The following LAMA2 variants were observed in gnomAD, a reference collection of about 807,000 sequenced individuals.
LAMA2 encodes laminin subunit alpha-2.
Under a neutral mutation model 364.8 loss-of-function variants are expected in LAMA2, and 269 were observed. That is an observed-to-expected ratio of 0.74 (90% CI 0.67 to 0.82). The LOEUF is 0.82. Ranked by LOEUF, LAMA2 falls within the 40% of genes least tolerant of loss-of-function variation. LAMA2 has a pLI of 0.00. For synonymous variants in LAMA2, 1,379 were observed against 1,370.6 expected (o/e 1.01, Z -0.14); for missense variants, 3,807 against 3,873.2 (o/e 0.98, Z 0.45).
chr6:129,119,090 A>G (rs771047521), intron 4 of LAMA2, among the ~76,000 whole-genome samples: 4 of 152,232 alleles, frequency 2.6e-5, no homozygotes, highest in Admixed American at 2.0e-4. Context: ...GCTAGCAGCA[A>G]TTAACATTTG....
intron 1 of LAMA2, among the ~76,000 whole-genome samples, chr6:128,988,250 A>C (rs752663984): frequency 6.6e-6 from 1 of 152,206 alleles, no homozygotes; most frequent in Non-Finnish European, 1.5e-5. Flanking sequence ...AGAACATACA[A>C]GGGGACATCT....
At position 129,205,493 on chromosome 6, in the gene LAMA2, T is replaced by TACACAC. The variant is rs767013359; in HGVS notation, c.1782+12675_1782+12680dup. ...TATTCTGTAAGTATATATATATATA[T>TACACAC]ACACACACACACACACACACACACA... On this transcript the variant is annotated intron_variant, in intron 12 of 64. Transcript: ENST00000421865. Among the ~76,000 whole-genome samples the TACACAC allele has an allele frequency of 9.5e-4, 99 of 104,262 alleles. 3 individuals are homozygous for TACACAC. The highest frequency in any genetic ancestry group is 5.6e-3 in the East Asian group (23 of 4,122). The allele number at this position is 104,262 out of a possible 152,430, so 68.4% of individuals were successfully genotyped here.
intron 1 of LAMA2, among the ~76,000 whole-genome samples, chr6:128,924,950 TG>T (rs756026773): frequency 7.2e-5 from 11 of 152,238 alleles, no homozygotes; most frequent in Non-Finnish European, 1.2e-4. Flanking sequence ...ATATTTCGGT[TG>T]TAAAAAATTC....
intron 35 of LAMA2, among the ~76,000 whole-genome samples, chr6:129,384,288 C>A (rs1245711700): frequency 1.3e-5 from 2 of 151,996 alleles, no homozygotes; most frequent in African/African-American, 4.8e-5. Context: ...TTGAAGTGTC[C>A]CCCTCCAACC....
At chr6:128,970,678 T>A (rs1180154769) in intron 1 of LAMA2, among the ~76,000 whole-genome samples, 2 of 152,244 alleles carry the variant, frequency 1.3e-5, no homozygotes, top group African/African-American at 4.8e-5. Context: ...ATATTCTAAC[T>A]TATTCTGATG....
At chr6:129,425,981 C>T (rs1377510254) in intron 40 of LAMA2, among the ~76,000 whole-genome samples, 2 of 152,140 alleles carry the variant, frequency 1.3e-5, no homozygotes, top group East Asian at 1.9e-4. Flanking sequence ...AAGGTATTCA[C>T]ACTCCAAGGC....
intron 18 of LAMA2, among the ~76,000 whole-genome samples, chr6:129,285,260 C>T (rs1320254959): frequency 2.0e-5 from 3 of 152,118 alleles, no homozygotes; most frequent in Non-Finnish European, 1.5e-5. Context: ...AACACACACC[C>T]ATACACCAGT....
At position 129,315,843 on chromosome 6, in the gene LAMA2, C is replaced by T. The variant is rs200625655; in HGVS notation, c.3817C>T (p.Gln1273Ter). 9 of 1,614,034 alleles carry T rather than the reference C, an allele frequency of 5.6e-6. No individual in the cohort carries two copies. Among genetic ancestry groups the T allele is most frequent in the Non-Finnish European group, 7.6e-6 (9 of 1,179,928 alleles). The change falls in exon 26 of 65, where the codon CAA (glutamine) becomes TAA (stop). Residue 1273 changes from glutamine (Q) to a stop codon, truncating the protein, a stop_gained. Transcript: ENST00000421865. LOFTEE classifies it high-confidence loss of function. ...EETGFSTYNP[Q>*]VIIRGGTPTH... ...AACAGGTTTCTCTACATATAATCCTCAAGTGATCATTCGAGGTGGGACACC... is the reference window on the plus strand; with the variant it reads ...AACAGGTTTCTCTACATATAATCCTTAAGTGATCATTCGAGGTGGGACACC...
chr6:129,093,517 G>T (rs1050109756), intron 3 of LAMA2, among the ~76,000 whole-genome samples: 3 of 152,102 alleles, frequency 2.0e-5, no homozygotes, highest in African/African-American at 4.8e-5. Context: ...TAGCCATGAT[G>T]TTCAAGATTG....
intron 10 of LAMA2, among the ~76,000 whole-genome samples, chr6:129,181,539 C>T (rs1255717361): frequency 6.6e-6 from 1 of 151,734 alleles, no homozygotes; most frequent in Non-Finnish European, 1.5e-5. Context: ...GTATAATTTA[C>T]TTCCAGAAAT....
chr6:128,891,840 G>C (rs771014511), intron 1 of LAMA2, among the ~76,000 whole-genome samples: 1 of 151,886 alleles, frequency 6.6e-6, no homozygotes, highest in Non-Finnish European at 1.5e-5. Context: ...TTATCAATAC[G>C]TACCTCTTTA....
chr6:129,442,933 G>A (rs1782189631), intron 43 of LAMA2, 130 bp from the exon 44 acceptor site: 1 of 630,316 alleles, frequency 1.6e-6, no homozygotes. Flanking sequence ...TTAAAATGGG[G>A]TGCATTTATA....
chr6:129,152,470 T>G (rs1417204187), intron 7 of LAMA2, among the ~76,000 whole-genome samples: 1 of 152,218 alleles, frequency 6.6e-6, no homozygotes, highest in Non-Finnish European at 1.5e-5. Flanking sequence ...GAATTTACCC[T>G]ATAGATATAT....
intron 1 of LAMA2, among the ~76,000 whole-genome samples, chr6:128,976,058 G>T (rs1438756326): frequency 6.6e-6 from 1 of 152,184 alleles, no homozygotes; most frequent in African/African-American, 2.4e-5. Context: ...TTCATTAAAA[G>T]GATGTGAAGT....
At chr6:129,253,814 G>T (rs952777873) in intron 14 of LAMA2, among the ~76,000 whole-genome samples, 2 of 152,172 alleles carry the variant, frequency 1.3e-5, no homozygotes, top group African/African-American at 2.4e-5. Context: ...GGTTTCATTT[G>T]CAGTCTTCTG....
In LAMA2 at chr6:129,048,440, TTTTCTTTCTTTC is replaced by T. The variant is rs1271730400; in HGVS notation, c.113-1433_113-1422del. On this transcript the variant is annotated intron_variant, in intron 1 of 64. Transcript: ENST00000421865. ...TTTAGTCAGGAAGGTTTCTTTTTTCTTTTCTTTCTTTCTTTCTTTCTTTCTTTCTTTCTTTCT... is the reference window on the plus strand; with the variant it reads ...TTTAGTCAGGAAGGTTTCTTTTTTCTTTTCTTTCTTTCTTTCTTTCTTTCT... Among the ~76,000 whole-genome samples, 498 of 103,894 alleles carry T rather than the reference TTTTCTTTCTTTC, an allele frequency of 4.8e-3. 5 individuals carry two copies. Among genetic ancestry groups the T allele is most frequent in the African/African-American group, 0.01 (264 of 25,348 alleles). The allele number at this position is 103,894 out of a possible 152,430, so 68.2% of individuals were successfully genotyped here. A position where few individuals can be genotyped will look rare whatever the true frequency, so the allele number is the denominator to read the frequency against.
chr6:129,473,496 T>C, intron 52 of LAMA2, 144 bp downstream of exon 52: 1 of 730,946 alleles, frequency 1.4e-6, no homozygotes, highest in Non-Finnish European at 2.3e-6. Context: ...TCATGTTGCA[T>C]GTTAGAACAA....
At chr6:128,928,806 T>C (rs1293462806) in intron 1 of LAMA2, among the ~76,000 whole-genome samples, 1 of 152,244 alleles carries the variant, frequency 6.6e-6, no homozygotes, top group East Asian at 1.9e-4. Flanking sequence ...TATGTCAACC[T>C]TAGTCAGAGC....
chr6:129,467,539 A>T (rs781648212), intron 51 of LAMA2, among the ~76,000 whole-genome samples: 45 of 151,922 alleles, frequency 3.0e-4, no homozygotes, highest in Non-Finnish European at 5.5e-4. Flanking sequence ...AAATAAAGAC[A>T]TTCGGAACAC....
Sources: gnomAD v4.1 joint callset for allele counts (sites outside exome capture counted in the v4.1 genomes callset) on GRCh38, gnomAD v4.1.1 for gene constraint, MANE v1.5 for transcripts, NCBI Gene and HGNC (gene_info 2026-07-23, HGNC 2026-07-21) for gene names.